The following ATP13A4 variants were observed in gnomAD, a reference collection of about 807,000 sequenced individuals.
ATP13A4 encodes probable cation-transporting ATPase 13A4.
Under a neutral mutation model 142.5 loss-of-function variants are expected in ATP13A4, and 114 were observed. The ratio of observed to expected loss-of-function variants is 0.80; its 90% CI spans 0.69 to 0.93. The LOEUF (loss-of-function observed/expected upper bound fraction) is 0.93. Ranked by LOEUF, ATP13A4 falls within the 40% of genes least tolerant of loss-of-function variation. ATP13A4 has a pLI of 0.00. For synonymous variants in ATP13A4, 488 were observed against 514.8 expected (o/e 0.95, Z 0.70); for missense variants, 1,392 against 1,454.0 (o/e 0.96, Z 0.69).
At chr3:193,514,999 G>T in intron 1 of ATP13A4, 128 bp from the exon 2 acceptor site, 1 of 972,436 alleles carries the variant, frequency 1.0e-6, no homozygotes, top group Non-Finnish European at 1.6e-6. Context: ...AGAGGGCAGG[G>T]TGAGGCATGG....
intron 1 of ATP13A4, among the ~76,000 whole-genome samples, chr3:193,533,798 T>C (rs1278751540): frequency 2.0e-5 from 3 of 152,102 alleles, no homozygotes; most frequent in Non-Finnish European, 4.4e-5. Flanking sequence ...CCTGCAAGGA[T>C]AGTGTTAGAG....
At chr3:193,546,947 A>G (rs183508676) in intron 1 of ATP13A4, among the ~76,000 whole-genome samples, 46 of 152,324 alleles carry the variant, frequency 3.0e-4, no homozygotes, top group African/African-American at 1.1e-3. Flanking sequence ...TCACCATATA[A>G]GTATTTGCTC....
intron 3 of ATP13A4, among the ~76,000 whole-genome samples, chr3:193,501,150 C>T (rs139598074): frequency 1.8e-4 from 27 of 152,282 alleles, no homozygotes; most frequent in Admixed American, 3.9e-4. Flanking sequence ...ACTAAAGATG[C>T]TAGAATTTCA....
intron 19 of ATP13A4, among the ~76,000 whole-genome samples, 175 bp from the exon 20 acceptor site, chr3:193,441,763 AC>A (rs1716658138): frequency 6.6e-6 from 1 of 152,122 alleles, no homozygotes; most frequent in African/African-American, 2.4e-5. Context: ...ATCACAGACA[AC>A]CAGTGAATAG....
intron 25 of ATP13A4, among the ~76,000 whole-genome samples, chr3:193,427,673 A>G (rs1715739823): frequency 1.3e-5 from 2 of 152,212 alleles, no homozygotes; most frequent in Non-Finnish European, 2.9e-5. Flanking sequence ...AAACCTGACA[A>G]AAACAAGAAA....
exon 2 of ATP13A4, chr3:193,581,838 C>G (rs1434815117): frequency 6.6e-6 from 1 of 152,112 alleles, no homozygotes; most frequent in Non-Finnish European, 1.5e-5. Context: ...CAACATTTCT[C>G]CTGCTAACAT....
At chr3:193,438,635 A>C (rs1226996060) in intron 22 of ATP13A4, 51 bp from the exon 23 acceptor site, 5 of 1,489,676 alleles carry the variant, frequency 3.4e-6, no homozygotes, top group Non-Finnish European at 3.7e-6. Context: ...GTACGTCTCT[A>C]CTAAAGCCTC....
chr3:193,577,076 G>A (rs181225874), intron 2 of ATP13A4, among the ~76,000 whole-genome samples: 1 of 152,326 alleles, frequency 6.6e-6, no homozygotes, highest in Admixed American at 6.5e-5. Flanking sequence ...AAATACACTT[G>A]GATAAATACA....
At chr3:193,470,694 C>T (rs530886621) in intron 9 of ATP13A4, among the ~76,000 whole-genome samples, 165 bp downstream of exon 9, 3 of 152,270 alleles carry the variant, frequency 2.0e-5, no homozygotes, top group Non-Finnish European at 2.9e-5. Context: ...CAGATCCATT[C>T]GCAGCAGGAC....
At chr3:193,545,973 TTGTGTGTGTGTGTGTGTGTGTGTGTG>T (rs3053200) in intron 1 of ATP13A4, among the ~76,000 whole-genome samples, 17 of 143,448 alleles carry the variant, frequency 1.2e-4, no homozygotes, top group Non-Finnish European at 2.3e-4. Flanking sequence ...AATGTTTAAA[TTGTGTGTGTGTGTGTGTGTGTGTGTG>T]TGTGTGTGTG....
At position 193,410,987 on chromosome 3, in the gene ATP13A4, A is replaced by G; in HGVS notation, c.3292T>C (p.Leu1098=). The G allele has an allele frequency of 6.3e-7, 1 of 1,595,118 alleles. No individual in the cohort carries two copies. The highest frequency in any genetic ancestry group is 8.6e-7 in the Non-Finnish European group (1 of 1,162,960). Residue 1098 remains leucine (L), a synonymous_variant, in exon 28 of 30, where the codon TTG becomes CTG. Transcript: ENST00000342695. ...FADIPELYRR[L]DLLCTPVLWR... ...ATCCCAAAGATTAGACTTACATCCA[A>G]ACGTCTATATAATTCTGGTATATCA...
chr3:193,481,950 T>C (rs1276818956), intron 8 of ATP13A4, among the ~76,000 whole-genome samples: 1 of 152,122 alleles, frequency 6.6e-6, no homozygotes, highest in Non-Finnish European at 1.5e-5. Context: ...AATTGACAGG[T>C]TGTGTTCAAA....
In ATP13A4 at chr3:193,554,800, G is replaced by T. The variant is rs143808160; in HGVS notation, c.-1C>A. 18 of 1,613,832 alleles carry T rather than the reference G, an allele frequency of 1.1e-5. No individual in the cohort carries two copies. The African/African-American group carries it at 1.9e-4, about 17-fold the overall frequency. On this transcript the variant is annotated 5_prime_UTR_variant, in exon 1 of 30. Coordinates refer to ENST00000342695, the MANE Select transcript of ATP13A4 (RefSeq NM_032279.4). ...GCTGGCCCTTCTCAAAGTGTCCCAT[G>T]AAAAAGTTATTCCACACCTCCTCCC... is the stretch of plus-strand genomic sequence containing the variant.
At chr3:193,503,925 G>T (rs1720701819) in intron 2 of ATP13A4, among the ~76,000 whole-genome samples, 1 of 151,580 alleles carries the variant, frequency 6.6e-6, no homozygotes, top group Non-Finnish European at 1.5e-5. Context: ...CACTTCTCTT[G>T]GACTATGGGT....
At chr3:193,522,978 G>C (rs1177980093) in intron 1 of ATP13A4, among the ~76,000 whole-genome samples, 2 of 152,150 alleles carry the variant, frequency 1.3e-5, no homozygotes, top group Non-Finnish European at 2.9e-5. Context: ...GGAATGTTCT[G>C]AATAACAGGA....
At position 193,515,617 on chromosome 3, in the gene ATP13A4, T is replaced by C. The variant is rs77708588; in HGVS notation, c.61-746A>G. Among the ~76,000 whole-genome samples, 836 of 152,268 alleles carry C rather than the reference T, an allele frequency of 5.5e-3. 15 individuals carry two copies. In the East Asian group the frequency reaches 0.07, roughly 13 times the overall value. ...CATTCTACTGAGCACCAATGCGTCA[T>C]GAGAGGATATTATTAGACCCCAGAG... On this transcript the variant is annotated intron_variant, in intron 1 of 29. Transcript: ENST00000342695.
At chr3:193,462,218 G>A (rs1260932682) in intron 13 of ATP13A4, among the ~76,000 whole-genome samples, 24 of 122,162 alleles carry the variant, frequency 2.0e-4, no homozygotes, top group Middle Eastern at 4.2e-3. Flanking sequence ...GTGAAACTCC[G>A]TCTCAAAAAA....
rs1267649712 is a variant in ATP13A4 at position 193,462,841 on chromosome 3, C to T, written c.1462-18G>A. The T allele has an allele frequency of 7.4e-6, 12 of 1,612,480 alleles. No homozygotes were observed. The highest frequency in any genetic ancestry group is 1.0e-5 in the Non-Finnish European group (12 of 1,178,640). On this transcript the variant is annotated intron_variant, in intron 12 of 29. Transcript: ENST00000342695. ...GTGCCTGTCTAAACAGAAACAAATG[C>T]TCCATTTACTCTGAAGATCCAGGCA...
chr3:193,450,656 C>A (rs1227301547), intron 17 of ATP13A4, among the ~76,000 whole-genome samples: 1 of 152,094 alleles, frequency 6.6e-6, no homozygotes, highest in Non-Finnish European at 1.5e-5. Context: ...GGTAAATGCA[C>A]CTGATAGCAA....
Sources: gnomAD v4.1 joint callset for allele counts (sites outside exome capture counted in the v4.1 genomes callset) on GRCh38, gnomAD v4.1.1 for gene constraint, MANE v1.5 for transcripts, NCBI Gene and HGNC (gene_info 2026-07-23, HGNC 2026-07-21) for gene names.